The following YY1AP1 variants were observed in gnomAD, a reference collection of about 807,000 sequenced individuals.
YY1AP1 encodes the protein YY1 associated protein 1, also known as YY1-associated protein 1.
Under a neutral mutation model 39.9 loss-of-function variants are expected in YY1AP1, and 43 were observed. That is an observed-to-expected ratio of 1.08 (90% CI 0.84 to 1.39). The LOEUF (loss-of-function observed/expected upper bound fraction) is 1.39, where lower values mean the gene tolerates loss of function less well. YY1AP1 is among the 40% of genes most tolerant of loss of function. YY1AP1 has a pLI of 0.00. For missense variants in YY1AP1, 813 were observed against 900.7 expected (o/e 0.90, Z 1.25); for synonymous variants, 292 against 331.3 (o/e 0.88, Z 1.29).
At chr1:155,688,574 C>G (rs1427654619) in intron 1 of YY1AP1, 85 bp downstream of exon 1, 16 of 1,537,514 alleles carry the variant, frequency 1.0e-5, no homozygotes, top group Middle Eastern at 3.3e-4. Flanking sequence ...CCCGTACGCG[C>G]TCACCCACGG....
intron 4 of YY1AP1, chr1:155,679,167 T>C: frequency 6.9e-7 from 1 of 1,456,520 alleles, no homozygotes; most frequent in Non-Finnish European, 9.2e-7. Context: ...CCCGGAGAAG[T>C]GGATATGGAT....
intron 6 of YY1AP1, among the ~76,000 whole-genome samples, chr1:155,672,971 C>A (rs1008697039): frequency 3.9e-5 from 6 of 152,036 alleles, no homozygotes; most frequent in Non-Finnish European, 8.8e-5. Context: ...GGTCTAGCTC[C>A]CGAGCTAGAA....
intron 1 of YY1AP1, 167 bp downstream of exon 1, chr1:155,688,492 A>T: frequency 6.5e-7 from 1 of 1,548,922 alleles, no homozygotes; most frequent in Non-Finnish European, 8.7e-7. Context: ...CCGCACGCGT[A>T]CGAGTGTCTA....
chr1:155,679,656 T>C, intron 3 of YY1AP1, 144 bp from the exon 4 acceptor site: 1 of 1,525,620 alleles, frequency 6.6e-7, no homozygotes, highest in Non-Finnish European at 8.8e-7. Context: ...CCTTTCTCAC[T>C]TCAGGACTCC....
At chr1:155,672,316 C>T in intron 7 of YY1AP1, 1 of 578,238 alleles carries the variant, frequency 1.7e-6, no homozygotes, top group Non-Finnish European at 3.1e-6. Context: ...AGCCTCAGAT[C>T]TCTACCTCCC....
intron 2 of YY1AP1, among the ~76,000 whole-genome samples, chr1:155,684,715 A>G (rs954199498): frequency 6.6e-6 from 1 of 152,048 alleles, no homozygotes; most frequent in African/African-American, 2.4e-5. Flanking sequence ...CTTCCCGAGT[A>G]GCTGGGACTA....
Position 155,688,656 on chromosome 1 carries a change from T to G in YY1AP1, c.-152+3A>C. 1 of 1,533,534 alleles carries G rather than the reference T, an allele frequency of 6.5e-7. No homozygotes were observed. The highest frequency in any genetic ancestry group is 8.7e-7 in the Non-Finnish European group (1 of 1,146,260). 95.0% of individuals were successfully genotyped at this position (1,533,534 alleles called of 1,614,324 possible). A position where few individuals can be genotyped will look rare whatever the true frequency, so the allele number is the denominator to read the frequency against. ...CGGCTCCAGCGCAGGCCCTCACGCG[T>G]ACCTTCAGCGGCGCGAGCCCAAGCC... On this transcript the variant is annotated splice_donor_region_variant and intron_variant, in intron 1 of 10. Coordinates refer to ENST00000355499, the MANE Select transcript of YY1AP1 (RefSeq NM_139119.3).
chr1:155,688,437 GT>G, intron 1 of YY1AP1: 1 of 1,547,780 alleles, frequency 6.5e-7, no homozygotes. Flanking sequence ...CTTCCCCACG[GT>G]CCCCCGCTTC....
chr1:155,682,346 T>C (rs762776893), intron 2 of YY1AP1, among the ~76,000 whole-genome samples: 10 of 152,196 alleles, frequency 6.6e-5, no homozygotes, highest in Non-Finnish European at 1.3e-4. Context: ...CTTGATATCA[T>C]GTAAAATGAG....
Position 155,676,706 on chromosome 1 carries a change from G to A in YY1AP1, c.166C>T (p.Gln56Ter), listed in dbSNP as rs1228943320. The change falls in exon 5 of 11, where the codon CAG becomes TAG. Residue 56 changes from glutamine to a stop codon, truncating the protein, a stop_gained. Coordinates refer to ENST00000355499, the MANE Select transcript of YY1AP1 (RefSeq NM_139119.3). LOFTEE classifies it high-confidence loss of function. ...LLANLLNEQHQIAKELFEQLK... is the reference protein window; with the variant it reads ...LLANLLNEQH ...TGTTCAAATAGTTCCTTCGCTATCT[G>A]ATGTTGTTCATTTAGTAGGTTGGCC... is the stretch of plus-strand genomic sequence containing the variant. The A allele has an allele frequency of 6.2e-7, 1 of 1,614,138 alleles. No individual in the cohort carries two copies. The highest frequency in any genetic ancestry group is 8.5e-7 in the Non-Finnish European group (1 of 1,180,026).
chr1:155,672,358 TTACCC>T, intron 7 of YY1AP1, 197 bp downstream of exon 7: 2 of 836,900 alleles, frequency 2.4e-6, no homozygotes, highest in South Asian at 3.2e-5. Context: ...CCTCCATGCC[TTACCC>T]AGGCCCGGAG....
chr1:155,667,782 A>T (rs1291598520), intron 9 of YY1AP1, among the ~76,000 whole-genome samples: 2 of 151,958 alleles, frequency 1.3e-5, no homozygotes, highest in Admixed American at 6.6e-5. Flanking sequence ...AGATCGCACC[A>T]TTGCACTCCA....
In YY1AP1 at chr1:155,677,268, C is replaced by T. The variant is rs142970117; in HGVS notation, c.126-522G>A. Among the ~76,000 whole-genome samples the T allele has an allele frequency of 5.7e-3, 866 of 152,236 alleles. 5 individuals carry two copies. The highest frequency in any genetic ancestry group is 0.02 in the African/African-American group (813 of 41,546). ...TACATGGTAGTTCAAATGAACAGAACGGAGAAGTTAGTTAAAATATTATCC... is the reference window on the plus strand; with the variant it reads ...TACATGGTAGTTCAAATGAACAGAATGGAGAAGTTAGTTAAAATATTATCC... On this transcript the variant is annotated intron_variant, in intron 4 of 10. Transcript: ENST00000355499.
chr1:155,688,396 C>T lies in YY1AP1; in HGVS notation c.-151-195G>A, dbSNP rs1652986504. On this transcript the variant is annotated intron_variant, in intron 1 of 10. Coordinates refer to ENST00000355499, the MANE Select transcript of YY1AP1 (RefSeq NM_139119.3). ...GGGAGCTAAGGGCGCCTAGCGACACCCCCAACCTCCCACTCCTCCCTCCTC... is the reference window on the plus strand; with the variant it reads ...GGGAGCTAAGGGCGCCTAGCGACACTCCCAACCTCCCACTCCTCCCTCCTC... 6 of 1,543,852 alleles carry T rather than the reference C, an allele frequency of 3.9e-6. No individual in the cohort carries two copies. The African/African-American group carries it at 5.5e-5, about 14-fold the overall frequency.
chr1:155,672,049 T>C (rs1649938508), intron 7 of YY1AP1, among the ~76,000 whole-genome samples: 1 of 152,218 alleles, frequency 6.6e-6, no homozygotes, highest in South Asian at 2.1e-4. Context: ...CAAATTTCTT[T>C]AAAATACTGA....
chr1:155,676,074 T>G (rs1266708003), intron 5 of YY1AP1, among the ~76,000 whole-genome samples: 2 of 151,774 alleles, frequency 1.3e-5, no homozygotes, highest in East Asian at 3.9e-4. Context: ...TACAAAAAAT[T>G]AGCTGGGTGT....
At chr1:155,688,537 C>T in intron 1 of YY1AP1, 122 bp downstream of exon 1, 2 of 1,542,894 alleles carry the variant, frequency 1.3e-6, no homozygotes, top group South Asian at 1.2e-5. Context: ...CCAACCACCA[C>T]CTTCGGCCGT....
rs752169560 is a variant in YY1AP1, at chr1:155,660,328, G to A, written c.1582C>T (p.Arg528Trp). The change falls in exon 11 of 11, where the codon CGG (arginine) becomes TGG (tryptophan). Residue 528 changes from arginine (R) to tryptophan (W), a missense_variant. Physicochemically the swap from Arg to Trp is moderately radical, Grantham distance 101 (BLOSUM62 -3). Transcript: ENST00000355499. ...SSMFRKPYVR[R>W]RPSKRRGARA... ...GCTCCCCTTCTTTTTGAGGGTCTCC[G>A]TCTCACATATGGCTTTCGAAACATG... 3.9e-5 allele frequency: 63 copies of A among 1,614,156 alleles called. No homozygotes were observed. The highest frequency in any genetic ancestry group is 6.7e-5 in the East Asian group (3 of 44,888).
At chr1:155,687,892 G>A in intron 2 of YY1AP1, 179 bp downstream of exon 2, 3 of 662,540 alleles carry the variant, frequency 4.5e-6, no homozygotes, top group Non-Finnish European at 7.3e-6. Flanking sequence ...CCTTCACCCC[G>A]CCTGGAGGGA....
Sources: allele counts gnomAD v4.1 joint callset (sites outside exome capture counted in the v4.1 genomes callset), GRCh38; gene constraint gnomAD v4.1.1; transcripts MANE v1.5; gene names NCBI Gene and HGNC (gene_info 2026-07-23, HGNC 2026-07-21).